Variants in OBSL1 observed in about 807,000 individuals in gnomAD.
OBSL1 encodes the protein obscurin-like protein 1.
Under a neutral mutation model 172.0 loss-of-function variants are expected in OBSL1, and 160 were observed. That is an observed-to-expected ratio of 0.93 (90% CI 0.82 to 1.06). The LOEUF is 1.06. OBSL1 is among the 50% of genes least tolerant of loss of function. The probability of loss-of-function intolerance (pLI) is 0.00; values close to 1 mark genes in which losing one functional copy is unlikely to be tolerated. For synonymous variants in OBSL1, 1,200 were observed against 1,196.3 expected, an observed-to-expected ratio of 1.00 and a Z score of -0.06; for missense variants, 2,681 against 2,715.4, an observed-to-expected ratio of 0.99 and a Z score of 0.28.
Position 219,556,482 on chromosome 2 carries a change from C to A in OBSL1, c.4308G>T (p.Thr1436=). The A allele has an allele frequency of 1.9e-6, 3 of 1,613,794 alleles. No individual in the cohort carries two copies. Among genetic ancestry groups the A allele is most frequent in the Non-Finnish European group, 2.5e-6 (3 of 1,179,892 alleles). ...AGTVTLRAGS[T]ATSARLHVRE... Reference sequence around the variant, plus strand: ...GAACATGGAGCCGGGCACTTGTGGCCGTGCTCCCTGCCCGCAAAGTCACGG... The same window carrying A: ...GAACATGGAGCCGGGCACTTGTGGCAGTGCTCCCTGCCCGCAAAGTCACGG... Residue 1436 remains threonine (T), a synonymous_variant, in exon 13 of 21, where the codon ACG becomes ACT. Transcript: ENST00000404537.
chr2:219,565,128 C>G, intron 6 of OBSL1, 114 bp downstream of exon 6: 1 of 1,134,508 alleles, frequency 8.8e-7, no homozygotes, highest in Non-Finnish European at 1.2e-6. Context: ...CCCTGGGCCA[C>G]TGGACTCTCC....
chr2:219,555,904 G>A lies in OBSL1; in HGVS notation c.4609+116C>T, dbSNP rs143197974. On this transcript the variant is annotated intron_variant, in intron 14 of 20. Coordinates refer to ENST00000404537, the MANE Select transcript of OBSL1 (RefSeq NM_015311.3). ...GCAAGCTGCTGCTGGGACGGCCATG[G>A]GTGACTTTTCTCAGCGATGAGGGGC... is the stretch of plus-strand genomic sequence containing the variant. 1.5e-3 allele frequency: 2,291 copies of A among 1,499,312 alleles called. 33 individuals carry two copies. In the African/African-American group the frequency reaches 0.027, roughly 18 times the overall value. The allele number at this position is 1,499,312 out of a possible 1,614,324, so 92.9% of individuals were successfully genotyped here. A position where few individuals can be genotyped will look rare whatever the true frequency, so the allele number is the denominator to read the frequency against.
chr2:219,565,145 A>G (rs1485099926), intron 6 of OBSL1, 97 bp downstream of exon 6: 1 of 1,311,100 alleles, frequency 7.6e-7, no homozygotes, highest in African/African-American at 1.5e-5. Flanking sequence ...CTCCCTGTAA[A>G]GGACTCCCCC....
chr2:219,554,874 C>T (rs1695886022), intron 14 of OBSL1, 134 bp from the exon 15 acceptor site: 2 of 1,012,736 alleles, frequency 2.0e-6, no homozygotes, highest in Admixed American at 5.8e-5. Flanking sequence ...AAGTTCGGAA[C>T]CAGGGTGCAG....
At position 219,551,775 on chromosome 2, in the gene OBSL1, G is replaced by A; in HGVS notation, c.5437C>T (p.His1813Tyr). 1 of 1,590,916 alleles carries A rather than the reference G, an allele frequency of 6.3e-7. No individual in the cohort carries two copies. The highest frequency in any genetic ancestry group is 8.6e-7 in the Non-Finnish European group (1 of 1,166,634). ...VEALPLQMCR[H>Y]PPREKTVLVG... ...AGAACGGTCTTCTCGCGAGGGGGGT[G>A]GCGGCACATCTGGAGAGGCAATGCT... The change falls in exon 20 of 21, where the codon CAC (histidine) becomes TAC (tyrosine). Residue 1813 changes from histidine (H) to tyrosine (Y), a missense_variant. Physicochemically the swap from His to Tyr is moderately conservative, Grantham distance 83 (BLOSUM62 2). Transcript: ENST00000404537.
rs1271545142 is a variant in OBSL1 at position 219,556,725 on chromosome 2, T to C, written c.4067-2A>G. 1 of 1,598,000 alleles carries C rather than the reference T, an allele frequency of 6.3e-7. No individual in the cohort carries two copies. The highest frequency in any genetic ancestry group is 8.6e-7 in the Non-Finnish European group (1 of 1,168,062). ...AGACCAGCTTCACCAGCAGTGGCTC[T>C]AAGGGGCACGGTAAGGCAGTGAGCT... is the stretch of plus-strand genomic sequence containing the variant. On this transcript the variant is annotated splice_acceptor_variant, in intron 12 of 20. Coordinates refer to ENST00000404537, the MANE Select transcript of OBSL1 (RefSeq NM_015311.3). LOFTEE classifies it high-confidence loss of function.
intron 14 of OBSL1, chr2:219,555,669 G>A: frequency 9.1e-7 from 1 of 1,095,914 alleles, no homozygotes; most frequent in East Asian, 5.9e-5. Context: ...TGGGTGGGAG[G>A]TGTGGGGTGC....
Position 219,568,432 on chromosome 2 carries a change from C to CACA in OBSL1, c.1013-109_1013-108insTGT. 1 of 1,092,684 alleles carries CACA rather than the reference C, an allele frequency of 9.2e-7. No homozygotes were observed. The highest frequency in any genetic ancestry group is 1.3e-6 in the Non-Finnish European group (1 of 784,308). 67.7% of individuals were successfully genotyped at this position (1,092,684 alleles called of 1,614,324 possible). A position where few individuals can be genotyped will look rare whatever the true frequency, so the allele number is the denominator to read the frequency against. On this transcript the variant is annotated intron_variant, in intron 1 of 20. Transcript: ENST00000404537. The surrounding 1 kb of genome is among the most constrained non-coding windows in gnomAD (Gnocchi z 4.1). ...CATGCTGTGTGCTCTTCATGCAGAG[C>CACA]CAGCGGGCACTGTGGAATCACAGAA...
At chr2:219,562,029 A>G in intron 8 of OBSL1, 1 of 717,234 alleles carries the variant, frequency 1.4e-6, no homozygotes, top group South Asian at 1.5e-5. Flanking sequence ...AACAAAGCAC[A>G]TGTGTGGAAT....
rs1424473557 is a variant in OBSL1, at chr2:219,562,567, G to A, written c.2788C>T (p.Arg930Cys). ...CELCRPWAEVRWTKDGEEVVE... is the reference protein window; with the variant it reads ...CELCRPWAEVCWTKDGEEVVE... The stretch of plus-strand genomic sequence containing the variant: ...ACCTCCTCTCCATCCTTGGTCCAGC[G>A]CACCTCTGCCCAGGGCCGGCATAGC... Residue 930 changes from arginine to cysteine, a missense_variant, in exon 8 of 21, where the codon CGC becomes TGC. By Grantham distance (180) the Arg-to-Cys change is radical. Coordinates refer to ENST00000404537, the MANE Select transcript of OBSL1 (RefSeq NM_015311.3). 6.2e-6 allele frequency: 10 copies of A among 1,613,336 alleles called. No homozygotes were observed. Among genetic ancestry groups the A allele is most frequent in the East Asian group, 2.2e-5 (1 of 44,870 alleles).
intron 8 of OBSL1, among the ~76,000 whole-genome samples, chr2:219,560,528 G>T (rs1696380241): frequency 2.0e-5 from 3 of 152,150 alleles, no homozygotes; most frequent in African/African-American, 2.4e-5. Flanking sequence ...TTCAAGTTTT[G>T]GGGCGACTAC....
intron 14 of OBSL1, chr2:219,555,812 A>G: frequency 7.1e-7 from 1 of 1,400,700 alleles, no homozygotes; most frequent in Non-Finnish European, 9.3e-7. Context: ...TATGCAATGG[A>G]ATGCAAAATC....
intron 20 of OBSL1, 72 bp downstream of exon 20, chr2:219,551,457 A>G: frequency 1.4e-6 from 2 of 1,462,900 alleles, no homozygotes; most frequent in East Asian, 2.5e-5. Flanking sequence ...AAAGCCTCCC[A>G]TAGGTGTGGC....
rs375716830 is a variant in OBSL1, at chr2:219,557,404, G to T, written c.4005C>A (p.Asp1335Glu). Residue 1335 changes from aspartate to glutamate, a missense_variant, in exon 12 of 21, where the codon GAC becomes GAA. By Grantham distance (45) the Asp-to-Glu change is conservative. Coordinates refer to ENST00000404537, the MANE Select transcript of OBSL1 (RefSeq NM_015311.3). ...VLRVQGARSG[D>E]AGEYLCDAPQ... ...GCGCATCGCACAGGTACTCCCCAGCGTCCCCGCTCCGTGCCCCCTGCACCC... is the reference window on the plus strand; with the variant it reads ...GCGCATCGCACAGGTACTCCCCAGCTTCCCCGCTCCGTGCCCCCTGCACCC... 5.4e-5 allele frequency: 83 copies of T among 1,547,202 alleles called. No individual in the cohort carries two copies. In the Middle Eastern group the frequency reaches 1.9e-3, roughly 34 times the overall value.
rs780970062 is a variant in OBSL1, at chr2:219,563,631, G to A, written c.2408-4C>T. On this transcript the variant is annotated splice_polypyrimidine_tract_variant and splice_region_variant and intron_variant, in intron 6 of 20. Coordinates refer to ENST00000404537, the MANE Select transcript of OBSL1 (RefSeq NM_015311.3). ...TCCACGATGTGCACGGGAGGATCTG[G>A]GTGGGAAGCAGAGATGGCATTGCAC... 1 of 1,609,274 alleles carries A rather than the reference G, an allele frequency of 6.2e-7. No individual in the cohort carries two copies. The highest frequency in any genetic ancestry group is 8.5e-7 in the Non-Finnish European group (1 of 1,176,630).
At position 219,554,478 on chromosome 2, in the gene OBSL1, C is replaced by T; in HGVS notation, c.4872G>A (p.Val1624=). Residue 1624 remains valine (V), a synonymous_variant, in exon 15 of 21, where the codon GTG becomes GTA. Coordinates refer to ENST00000404537, the MANE Select transcript of OBSL1 (RefSeq NM_015311.3). ...DSLRCAARLI[V]REVPVTIVRG... The stretch of plus-strand genomic sequence containing the variant: ...CTGTGGTCCTGGAGGCCACACCTCT[C>T]ACAATGAGTCTGGCTGCGCAGCGCA... 6.2e-7 allele frequency: 1 copy of T among 1,612,916 alleles called. No individual in the cohort carries two copies. Among genetic ancestry groups the T allele is most frequent in the Non-Finnish European group, 8.5e-7 (1 of 1,179,664 alleles).
chr2:219,555,919 C>T (rs1250390028), intron 14 of OBSL1, 101 bp downstream of exon 14: 22 of 1,517,626 alleles, frequency 1.4e-5, no homozygotes, highest in Middle Eastern at 1.8e-4. Context: ...CTTTTCTCAG[C>T]GATGAGGGGC....
chr2:219,552,192 C>T lies in OBSL1; in HGVS notation c.5333G>A (p.Ser1778Asn), dbSNP rs753721759. 2.5e-6 allele frequency: 4 copies of T among 1,608,718 alleles called. No individual in the cohort carries two copies. The highest frequency in any genetic ancestry group is 3.4e-6 in the Non-Finnish European group (4 of 1,178,118). Residue 1778 changes from serine (S) to asparagine (N), a missense_variant, in exon 19 of 21, where the codon AGC becomes AAC. Physicochemically the swap from Ser to Asn is conservative, Grantham distance 46. Around this residue, in one of 5 missense-constraint regions of OBSL1, gnomAD observed 1,765 missense variants for 1,748.3 expected, o/e 1.01. Coordinates refer to ENST00000404537, the MANE Select transcript of OBSL1 (RefSeq NM_015311.3). ...QEGKKHILVLSELRAEDAGEV... is the reference protein window; with the variant it reads ...QEGKKHILVLNELRAEDAGEV... The stretch of plus-strand genomic sequence containing the variant: ...ACCGGCGTCCTCGGCGCGCAGCTCG[C>T]TAAGCACCAGAATGTGTTTCTTCCC...
intron 4 of OBSL1, 53 bp downstream of exon 4, chr2:219,567,220 A>C: frequency 6.4e-7 from 1 of 1,563,178 alleles, no homozygotes; most frequent in Non-Finnish European, 8.7e-7. Context: ...ACCAGCACTG[A>C]GGGCTGGGGA....
Sources: gnomAD v4.1 joint callset for allele counts (sites outside exome capture counted in the v4.1 genomes callset) on GRCh38, gnomAD v4.1.1 for gene constraint, gnomAD v4.1.1 regional missense constraint, Gnocchi (gnomAD v3.1) non-coding constraint, MANE v1.5 for transcripts, NCBI Gene and HGNC (gene_info 2026-07-23, HGNC 2026-07-21) for gene names.